The following IL1RAPL1 variants were observed in gnomAD, a reference collection of about 807,000 sequenced individuals.
The protein encoded by IL1RAPL1 is interleukin-1 receptor accessory protein-like 1.
Under a neutral mutation model 48.4 loss-of-function variants are expected in IL1RAPL1, and 3 were observed. That is an observed-to-expected ratio of 0.06 (90% CI 0.03 to 0.16). The LOEUF is 0.16. IL1RAPL1 is among the 10% of genes least tolerant of loss of function. The probability of loss-of-function intolerance (pLI) is 1.00; values close to 1 mark genes in which losing one functional copy is unlikely to be tolerated. For synonymous variants in IL1RAPL1, 185 were observed against 187.7 expected (o/e 0.99, Z 0.12); for missense variants, 349 against 530.6 (o/e 0.66, Z 3.36).
At chrX:29,440,412 T>C (rs772891520) in intron 5 of IL1RAPL1, among the ~76,000 whole-genome samples, 1 of 111,257 alleles carries the variant, frequency 9.0e-6, no homozygotes, top group Non-Finnish European at 1.9e-5. Flanking sequence ...ATATGGACAC[T>C]TGTTCCCCAA....
intron 5 of IL1RAPL1, among the ~76,000 whole-genome samples, chrX:29,400,343 A>G (rs767087614): frequency 8.9e-6 from 1 of 112,612 alleles, no homozygotes; most frequent in Non-Finnish European, 1.9e-5. Flanking sequence ...GGTAATATGT[A>G]TGACATAAAT....
chrX:29,452,365 A>T (rs745972707), intron 5 of IL1RAPL1, among the ~76,000 whole-genome samples: 1 of 111,813 alleles, frequency 8.9e-6, no homozygotes, highest in East Asian at 2.8e-4. Flanking sequence ...CATCTATTAC[A>T]TGTGCATGTA....
chrX:29,480,312 A>G (rs948101801), intron 5 of IL1RAPL1, among the ~76,000 whole-genome samples: 1 of 101,936 alleles, frequency 9.8e-6, no homozygotes, highest in African/African-American at 3.6e-5. Context: ...ATATATATAT[A>G]TATATGCATA....
At chrX:28,967,820 C>T (rs1189293917) in intron 2 of IL1RAPL1, among the ~76,000 whole-genome samples, 1 of 112,284 alleles carries the variant, frequency 8.9e-6, no homozygotes, top group Non-Finnish European at 1.9e-5. Flanking sequence ...AAAAGTCTTC[C>T]ACCTTAAAGA....
intron 2 of IL1RAPL1, among the ~76,000 whole-genome samples, chrX:29,163,905 C>G (rs1391738130): frequency 9.0e-6 from 1 of 111,435 alleles, no homozygotes; most frequent in Non-Finnish European, 1.9e-5. Context: ...TTTCCTTGAT[C>G]CTTATTTCCA....
At chrX:29,038,101 C>T (rs187134902) in intron 2 of IL1RAPL1, among the ~76,000 whole-genome samples, 8 of 110,959 alleles carry the variant, frequency 7.2e-5, no homozygotes, top group African/African-American at 2.6e-4. Flanking sequence ...AGGGTCCTTT[C>T]GCAGAGGGGC....
chrX:29,626,753 T>C, intron 5 of IL1RAPL1, among the ~76,000 whole-genome samples: 1 of 112,125 alleles, frequency 8.9e-6, no homozygotes, highest in Non-Finnish European at 1.9e-5. Flanking sequence ...GTTCACCCCA[T>C]TACTCAGCTG....
chrX:28,805,024 A>G (rs1290560701), intron 2 of IL1RAPL1, among the ~76,000 whole-genome samples: 1 of 111,009 alleles, frequency 9.0e-6, no homozygotes, highest in Non-Finnish European at 1.9e-5. Context: ...ATTATGCTCT[A>G]GGAAGTCAGG....
chrX:29,942,226 A>C (rs1258857584), intron 9 of IL1RAPL1, among the ~76,000 whole-genome samples: 1 of 112,020 alleles, frequency 8.9e-6, no homozygotes, highest in East Asian at 2.8e-4. Flanking sequence ...GTTATAATAA[A>C]CTGTACTGAG....
At chrX:28,813,120 A>T (rs1936813868) in intron 2 of IL1RAPL1, among the ~76,000 whole-genome samples, 1 of 111,450 alleles carries the variant, frequency 9.0e-6, no homozygotes, top group African/African-American at 3.2e-5. Flanking sequence ...TGTATTTTTC[A>T]TTAAAAAATT....
intron 2 of IL1RAPL1, among the ~76,000 whole-genome samples, chrX:28,931,622 G>A (rs191602833): frequency 3.4e-3 from 382 of 111,587 alleles, no homozygotes; most frequent in African/African-American, 0.011. Context: ...GACAAGTATT[G>A]TATCATTAAT....
At chrX:29,023,327 A>G (rs1422534723) in intron 2 of IL1RAPL1, among the ~76,000 whole-genome samples, 2 of 112,433 alleles carry the variant, frequency 1.8e-5, no homozygotes, top group African/African-American at 6.4e-5. Flanking sequence ...ATGTTTAGAA[A>G]ATATACATAA....
chrX:29,214,829 A>G (rs1930835940), intron 2 of IL1RAPL1, among the ~76,000 whole-genome samples: 1 of 112,190 alleles, frequency 8.9e-6, no homozygotes, highest in Non-Finnish European at 1.9e-5. Flanking sequence ...ATGCAAGTAA[A>G]TGGGTAAATT....
At chrX:28,678,563 G>C (rs992871067) in intron 1 of IL1RAPL1, among the ~76,000 whole-genome samples, 1 of 111,304 alleles carries the variant, frequency 9.0e-6, no homozygotes, top group Admixed American at 9.6e-5. Flanking sequence ...TTTATAAATT[G>C]GTATTCTAAA....
At chrX:29,004,181 T>C (rs1925924073) in intron 2 of IL1RAPL1, among the ~76,000 whole-genome samples, 1 of 112,164 alleles carries the variant, frequency 8.9e-6, no homozygotes, top group Non-Finnish European at 1.9e-5. Flanking sequence ...ATACAGTTGA[T>C]TTAATAAATG....
intron 5 of IL1RAPL1, among the ~76,000 whole-genome samples, chrX:29,620,601 A>G (rs919172870): frequency 2.7e-5 from 3 of 112,329 alleles, no homozygotes; most frequent in Non-Finnish European, 5.6e-5. Flanking sequence ...TGTTGATATT[A>G]TTAGTTTACT....
At chrX:28,729,764 G>T (rs866508654) in intron 1 of IL1RAPL1, among the ~76,000 whole-genome samples, 1 of 110,998 alleles carries the variant, frequency 9.0e-6, no homozygotes, top group Admixed American at 9.7e-5. Flanking sequence ...TTGGGAGGCC[G>T]AGGCAGGCGG....
intron 2 of IL1RAPL1, among the ~76,000 whole-genome samples, chrX:29,165,241 C>T (rs1326034975): frequency 8.9e-6 from 1 of 111,746 alleles, no homozygotes; most frequent in East Asian, 2.8e-4. Context: ...ATCGCTTGAA[C>T]CTAGGAGGTA....
chrX:29,373,484 T>A (rs1177802527), intron 3 of IL1RAPL1, among the ~76,000 whole-genome samples: 1 of 111,715 alleles, frequency 9.0e-6, no homozygotes, highest in Non-Finnish European at 1.9e-5. Context: ...TGGGTATCCT[T>A]GTCTTGTTAC....
Sources: gnomAD v4.1 joint callset for allele counts (sites outside exome capture counted in the v4.1 genomes callset) on GRCh38, gnomAD v4.1.1 for gene constraint, MANE v1.5 for transcripts, NCBI Gene and HGNC (gene_info 2026-07-23, HGNC 2026-07-21) for gene names.